The following CPA6 variants were observed in gnomAD, a reference collection of about 807,000 sequenced individuals.
CPA6 encodes carboxypeptidase A6, also known as carboxypeptidase B.
In CPA6, 58 loss-of-function variants were observed where a neutral mutation model predicts 63.3. The ratio of observed to expected loss-of-function variants is 0.92; its 90% CI spans 0.74 to 1.14. The LOEUF is 1.14. CPA6 is among the 50% of genes most tolerant of loss of function. The pLI is 0.00. For missense variants in CPA6, 565 were observed against 526.6 expected (o/e 1.07, Z -0.71); for synonymous variants, 185 against 179.0 (o/e 1.03, Z -0.27).
intron 6 of CPA6, 70 bp from the exon 7 acceptor site, chr8:67,484,859 C>A: frequency 1.2e-6 from 1 of 810,662 alleles, no homozygotes; most frequent in Admixed American, 2.2e-5. Context: ...GTGAGATATC[C>A]TTTCTATCCA....
At chr8:67,564,933 T>A (rs1013742423) in intron 2 of CPA6, among the ~76,000 whole-genome samples, 6 of 152,208 alleles carry the variant, frequency 3.9e-5, no homozygotes, top group Non-Finnish European at 7.3e-5. Flanking sequence ...CATAGGATTA[T>A]TTGACTCAAT....
In CPA6 at chr8:67,517,988, G is replaced by A. The variant is rs777989272; in HGVS notation, c.252C>T (p.Val84=). 5.0e-6 allele frequency: 8 copies of A among 1,613,070 alleles called. No homozygotes were observed. The highest frequency in any genetic ancestry group is 6.8e-6 in the Non-Finnish European group (8 of 1,179,596). Residue 84 remains valine, a synonymous_variant, in exon 3 of 11, where the codon GTC becomes GTT. Transcript: ENST00000297770. ...SYVSEGTVTD[V]HIPQNGSRAL... is the part of the protein sequence containing the mutation. The stretch of plus-strand genomic sequence containing the variant: ...CTCGGGAACCATTTTGGGGGATATG[G>A]ACATCAGTAACTGTTCCCTCTGATA...
At chr8:67,473,652 T>C (rs901325597) in intron 8 of CPA6, among the ~76,000 whole-genome samples, 4 of 152,200 alleles carry the variant, frequency 2.6e-5, no homozygotes, top group African/African-American at 9.7e-5. Context: ...TCACCCAGGC[T>C]GGAGTATAGT....
chr8:67,712,005 C>T (rs1817273768), intron 1 of CPA6, among the ~76,000 whole-genome samples: 1 of 152,170 alleles, frequency 6.6e-6, no homozygotes, highest in Admixed American at 6.5e-5. Flanking sequence ...ATTACCCCTC[C>T]TATCTGCCCC....
chr8:67,559,959 TG>T (rs976958485), intron 2 of CPA6, among the ~76,000 whole-genome samples: 6 of 151,716 alleles, frequency 4.0e-5, no homozygotes, highest in African/African-American at 1.5e-4. Context: ...AAGGACACAG[TG>T]GGAAGATGCC....
chr8:67,427,034 A>T (rs1809902833), intron 10 of CPA6, among the ~76,000 whole-genome samples: 1 of 152,206 alleles, frequency 6.6e-6, no homozygotes, highest in Non-Finnish European at 1.5e-5. Flanking sequence ...TTGATATGTT[A>T]ATTGTTGAAA....
At chr8:67,592,925 A>T (rs1814176131) in intron 2 of CPA6, among the ~76,000 whole-genome samples, 3 of 151,722 alleles carry the variant, frequency 2.0e-5, no homozygotes, top group Non-Finnish European at 2.9e-5. Flanking sequence ...GCCTTCTGCT[A>T]GCTTTTGAAT....
chr8:67,455,593 A>G (rs531599201), intron 8 of CPA6, among the ~76,000 whole-genome samples: 2 of 145,490 alleles, frequency 1.4e-5, no homozygotes, highest in African/African-American at 5.1e-5. Context: ...GGATTAGAAA[A>G]TGAGTGCTAA....
intron 10 of CPA6, among the ~76,000 whole-genome samples, chr8:67,427,324 A>T (rs975192879): frequency 6.6e-6 from 1 of 152,106 alleles, no homozygotes; most frequent in Admixed American, 6.5e-5. Flanking sequence ...TTATTCTCAA[A>T]TTTATCGTTC....
In CPA6 at chr8:67,457,757, G is replaced by T. The variant is rs1289711311; in HGVS notation, c.839-23517C>A. Among the ~76,000 whole-genome samples, 10 of 152,056 alleles carry T rather than the reference G, an allele frequency of 6.6e-5. No individual in the cohort carries two copies. In the East Asian group the frequency reaches 1.9e-3, roughly 29 times the overall value. On this transcript the variant is annotated intron_variant, in intron 8 of 10. Coordinates refer to ENST00000297770, the MANE Select transcript of CPA6 (RefSeq NM_020361.5). The stretch of plus-strand genomic sequence containing the variant: ...ACATCAGTGTCAGTTCCTCAGCATG[G>T]TGTCCAAGCCCCTACTGATCGAACA...
chr8:67,501,855 A>G (rs1811835760), intron 6 of CPA6, among the ~76,000 whole-genome samples: 1 of 152,290 alleles, frequency 6.6e-6, no homozygotes, highest in South Asian at 2.1e-4. Context: ...CTCCAGTGAA[A>G]GCTTCTGGGC....
At chr8:67,446,003 G>C (rs904965961) in intron 8 of CPA6, among the ~76,000 whole-genome samples, 1 of 152,154 alleles carries the variant, frequency 6.6e-6, no homozygotes, top group Non-Finnish European at 1.5e-5. Context: ...GGTGGCTCAC[G>C]CCTGTAATCC....
At chr8:67,603,940 T>G (rs1814560951) in intron 2 of CPA6, among the ~76,000 whole-genome samples, 1 of 152,234 alleles carries the variant, frequency 6.6e-6, no homozygotes, top group Admixed American at 6.5e-5. Flanking sequence ...AAAGGTTTCC[T>G]CTGTATATGA....
intron 2 of CPA6, among the ~76,000 whole-genome samples, chr8:67,601,727 C>G (rs1379004209): frequency 6.6e-6 from 1 of 152,012 alleles, no homozygotes; most frequent in Non-Finnish European, 1.5e-5. Context: ...TTGATTGTAC[C>G]ATATGTTGGC....
chr8:67,434,366 A>G, intron 8 of CPA6, 126 bp from the exon 9 acceptor site: 1 of 767,356 alleles, frequency 1.3e-6, no homozygotes, highest in Admixed American at 2.7e-5. Flanking sequence ...TAAGCAATTC[A>G]TCTAACTTCT....
chr8:67,496,519 T>TATA lies in CPA6; in HGVS notation c.636+10267_636+10268insTAT, dbSNP rs1811714617. ...TGTGCAACCATCACCACTATATAGT[T>TATA]TATATATATATATATATATATATAT... On this transcript the variant is annotated intron_variant, in intron 6 of 10. Transcript: ENST00000297770. Among the ~76,000 whole-genome samples the TATA allele has an allele frequency of 1.1e-3, 105 of 94,112 alleles. 2 individuals are homozygous for TATA. Among genetic ancestry groups the TATA allele is most frequent in the African/African-American group, 5.0e-3 (100 of 20,036 alleles). The allele number at this position is 94,112 out of a possible 152,430, so 61.7% of individuals were successfully genotyped here. A position where few individuals can be genotyped will look rare whatever the true frequency, so the allele number is the denominator to read the frequency against.
intron 8 of CPA6, among the ~76,000 whole-genome samples, chr8:67,440,345 C>A (rs551261087): frequency 1.3e-5 from 2 of 151,912 alleles, no homozygotes; most frequent in African/African-American, 4.8e-5. Context: ...CTGAAGCGGG[C>A]GGATCACTTG....
intron 6 of CPA6, among the ~76,000 whole-genome samples, chr8:67,497,179 T>C (rs2128963213): frequency 6.6e-6 from 1 of 152,332 alleles, no homozygotes; most frequent in South Asian, 2.1e-4. Context: ...ATATTTGCAG[T>C]GCTGTACAAT....
chr8:67,516,753 T>C (rs1812152537), intron 3 of CPA6, among the ~76,000 whole-genome samples: 1 of 152,134 alleles, frequency 6.6e-6, no homozygotes, highest in South Asian at 2.1e-4. Flanking sequence ...TTAAAGTCTT[T>C]CTTTTCTTTT....
Sources: allele counts gnomAD v4.1 joint callset (sites outside exome capture counted in the v4.1 genomes callset), GRCh38; gene constraint gnomAD v4.1.1; transcripts MANE v1.5; gene names NCBI Gene and HGNC (gene_info 2026-07-23, HGNC 2026-07-21).